USH2A: variants seen among roughly 807,000 people sequenced by gnomAD.
The protein encoded by USH2A is usherin.
A neutral mutation model predicts 538.9 loss-of-function variants in USH2A; 443 were observed. That is an observed-to-expected ratio of 0.82 (90% confidence interval 0.76 to 0.89). The LOEUF (loss-of-function observed/expected upper bound fraction) is 0.89, where lower values mean the gene tolerates loss of function less well. USH2A is among the 40% of genes least tolerant of loss of function. The probability of loss-of-function intolerance (pLI) is 0.00; values close to 1 mark genes in which losing one functional copy is unlikely to be tolerated. For synonymous variants in USH2A, 2,413 were observed against 2,273.5 expected (o/e 1.06, Z -1.75); for missense variants, 6,633 against 6,324.8 (o/e 1.05, Z -1.65).
In USH2A at chr1:215,806,242, T is replaced by C. The variant is rs373503364; in HGVS notation, c.9740-7117A>G. Among the ~76,000 whole-genome samples, 148 of 152,268 alleles carry C rather than the reference T, an allele frequency of 9.7e-4. 4 individuals carry two copies. In the South Asian group the frequency reaches 0.029, roughly 30 times the overall value. On this transcript the variant is annotated intron_variant, in intron 49 of 71. Coordinates refer to ENST00000307340, the MANE Select transcript of USH2A (RefSeq NM_206933.4). ...TTTTCAGATTCTGCCTTTATTTTTCTTTTCTTTCTCTTGAATCAACATATT... is the reference window on the plus strand; with the variant it reads ...TTTTCAGATTCTGCCTTTATTTTTCCTTTCTTTCTCTTGAATCAACATATT...
intron 55 of USH2A, among the ~76,000 whole-genome samples, chr1:215,772,922 T>G (rs906198048): frequency 5.3e-5 from 8 of 152,194 alleles, no homozygotes; most frequent in Non-Finnish European, 1.0e-4. Flanking sequence ...TTATAAAGTA[T>G]TGTGAATAAC....
intron 35 of USH2A, among the ~76,000 whole-genome samples, chr1:215,988,195 C>T (rs569539094): frequency 6.6e-6 from 1 of 152,210 alleles, no homozygotes; most frequent in African/African-American, 2.4e-5. Flanking sequence ...TTTCCCCCTT[C>T]CACCCAGACC....
chr1:216,023,817 AT>A (rs1668901800), intron 32 of USH2A, among the ~76,000 whole-genome samples: 2 of 152,032 alleles, frequency 1.3e-5, no homozygotes, highest in Admixed American at 1.3e-4. Context: ...GATGAATTGC[AT>A]TTTCCTTTTT....
At chr1:216,283,989 G>A (rs1028445253) in intron 11 of USH2A, among the ~76,000 whole-genome samples, 34 of 151,752 alleles carry the variant, frequency 2.2e-4, no homozygotes, top group African/African-American at 8.0e-4. Flanking sequence ...TCTTCTTTTG[G>A]GATTTTAAGG....
At chr1:215,728,683 A>C (rs1455440570) in intron 60 of USH2A, among the ~76,000 whole-genome samples, 1 of 152,198 alleles carries the variant, frequency 6.6e-6, no homozygotes, top group East Asian at 1.9e-4. Context: ...AAAAAGCACA[A>C]AAGGTGAAAC....
At chr1:215,726,059 T>C (rs1267950967) in intron 61 of USH2A, among the ~76,000 whole-genome samples, 1 of 152,178 alleles carries the variant, frequency 6.6e-6, no homozygotes, top group East Asian at 1.9e-4. Flanking sequence ...AGATCAGAGG[T>C]TTAATCATTA....
At chr1:216,020,088 CTG>C (rs1668813196) in intron 32 of USH2A, among the ~76,000 whole-genome samples, 1 of 152,156 alleles carries the variant, frequency 6.6e-6, no homozygotes, top group Admixed American at 6.6e-5. Context: ...AAATCACAGT[CTG>C]TTGACATTTC....
At chr1:216,385,758 G>T (rs1373357485) in intron 3 of USH2A, among the ~76,000 whole-genome samples, 1 of 152,108 alleles carries the variant, frequency 6.6e-6, no homozygotes, top group Non-Finnish European at 1.5e-5. Context: ...TTCCTTCAGG[G>T]TTTCATCTTA....
Position 215,680,347 on chromosome 1 carries a change from C to A in USH2A, c.12096G>T (p.Gly4032=), listed in dbSNP as rs1392274242. The A allele has an allele frequency of 1.2e-6, 2 of 1,613,960 alleles. No homozygotes were observed. The highest frequency in any genetic ancestry group is 1.7e-6 in the Non-Finnish European group (2 of 1,179,980). ...KGTSHQAHLY[G]LEPFTTYRIG... is the part of the protein sequence containing the mutation. Reference sequence around the variant, plus strand: ...TGCGATATGTTGTGAATGGTTCTAACCCGTACAGGTGGGCTTGATGGCTTG... The same window carrying A: ...TGCGATATGTTGTGAATGGTTCTAAACCGTACAGGTGGGCTTGATGGCTTG... The change falls in exon 62 of 72, where the codon GGG becomes GGT. Residue 4032 remains glycine, a synonymous_variant. Transcript: ENST00000307340.
chr1:216,137,532 G>A (rs572621643), intron 21 of USH2A, among the ~76,000 whole-genome samples: 33 of 152,202 alleles, frequency 2.2e-4, no homozygotes, highest in African/African-American at 7.2e-4. Context: ...CCTGCAGACC[G>A]AGGAGCAAGG....
chr1:215,941,267 T>A (rs1666625635), intron 37 of USH2A, among the ~76,000 whole-genome samples: 2 of 152,158 alleles, frequency 1.3e-5, no homozygotes, highest in African/African-American at 4.8e-5. Context: ...ACATTTTATA[T>A]ATAAAGTTCA....
chr1:216,175,107 A>T, intron 21 of USH2A, 145 bp downstream of exon 21: 2 of 1,493,728 alleles, frequency 1.3e-6, no homozygotes, highest in Non-Finnish European at 1.8e-6. Context: ...GACATGCTGA[A>T]ACAATCAGGC....
chr1:215,883,833 C>T (rs1183682755), intron 41 of USH2A, among the ~76,000 whole-genome samples: 2 of 152,282 alleles, frequency 1.3e-5, no homozygotes, highest in South Asian at 2.1e-4. Flanking sequence ...AGTACCACCT[C>T]ATTATTCTTC....
At chr1:215,712,459 C>T (rs1426106685) in intron 61 of USH2A, among the ~76,000 whole-genome samples, 5 of 152,276 alleles carry the variant, frequency 3.3e-5, no homozygotes, top group East Asian at 1.9e-4. Flanking sequence ...AGTTGGCCCT[C>T]GGCAGTGTCA....
chr1:216,018,397 G>GT (rs1668766630), intron 32 of USH2A, among the ~76,000 whole-genome samples: 1 of 152,172 alleles, frequency 6.6e-6, no homozygotes, highest in Non-Finnish European at 1.5e-5. Context: ...CAGCTGTACT[G>GT]TAGGAAGGGC....
intron 32 of USH2A, among the ~76,000 whole-genome samples, chr1:216,028,492 G>T (rs1669020939): frequency 6.6e-6 from 1 of 151,904 alleles, no homozygotes; most frequent in Non-Finnish European, 1.5e-5. Context: ...AAAATCTCAG[G>T]AAATATTTAT....
chr1:215,770,610 A>G (rs1661249381), intron 55 of USH2A, among the ~76,000 whole-genome samples: 1 of 152,114 alleles, frequency 6.6e-6, no homozygotes, highest in Non-Finnish European at 1.5e-5. Flanking sequence ...AGTTAGTTAT[A>G]AGATTATGTA....
At chr1:215,798,066 GA>G (rs370987790) in intron 50 of USH2A, among the ~76,000 whole-genome samples, 2 of 152,106 alleles carry the variant, frequency 1.3e-5, no homozygotes, top group African/African-American at 4.8e-5. Flanking sequence ...AGGGGTTTTA[GA>G]CTCAAAATGG....
At chr1:215,818,225 A>G (rs1380129281) in intron 47 of USH2A, among the ~76,000 whole-genome samples, 2 of 151,886 alleles carry the variant, frequency 1.3e-5, no homozygotes, top group African/African-American at 2.4e-5. Context: ...GGGGATCAGC[A>G]GTCCTAACCC....
Sources: gnomAD v4.1 joint callset for allele counts (sites outside exome capture counted in the v4.1 genomes callset) on GRCh38, gnomAD v4.1.1 for gene constraint, MANE v1.5 for transcripts, NCBI Gene and HGNC (gene_info 2026-07-23, HGNC 2026-07-21) for gene names.